AVEN: variants seen among roughly 807,000 people sequenced by gnomAD.
AVEN encodes apoptosis and caspase activation inhibitor, also known as cell death regulator Aven.
A neutral mutation model predicts 38.1 loss-of-function variants in AVEN; 41 were observed. The observed-to-expected ratio is 1.08, with a 90% confidence interval of 0.84 to 1.40. The LOEUF (loss-of-function observed/expected upper bound fraction) is 1.40. Among genes scored for constraint, AVEN ranks in the 40% most tolerant of loss-of-function variants. The pLI is 0.00. For synonymous variants in AVEN, 206 were observed against 171.8 expected (o/e 1.20, Z -1.56); for missense variants, 605 against 438.8 (o/e 1.38, Z -3.38).
chr15:33,934,561 T>C (rs1241298086), intron 2 of AVEN, among the ~76,000 whole-genome samples: 2 of 152,262 alleles, frequency 1.3e-5, no homozygotes, highest in East Asian at 1.9e-4. Flanking sequence ...TAAGGGCTAG[T>C]TTCCTCCACT....
downstream of AVEN, among the ~76,000 whole-genome samples, chr15:33,855,499 C>T (rs562654195): frequency 9.8e-5 from 15 of 152,306 alleles, no homozygotes; most frequent in Admixed American, 3.3e-4. Flanking sequence ...CCATCGTGCC[C>T]GGCCGGAGAT....
At chr15:33,999,641 C>T (rs142288778) in intron 2 of AVEN, among the ~76,000 whole-genome samples, 19 of 152,282 alleles carry the variant, frequency 1.2e-4, no homozygotes, top group East Asian at 1.9e-4. Context: ...CTTCTCTCTA[C>T]GTAGATCTAA....
intron 2 of AVEN, among the ~76,000 whole-genome samples, chr15:33,918,924 G>GTTTT (rs34781502): frequency 2.1e-5 from 3 of 139,938 alleles, no homozygotes; most frequent in East Asian, 2.1e-4. Context: ...CTGCTTTTCT[G>GTTTT]TTTTTTTTTT....
chr15:33,892,492 C>T (rs888796033), intron 2 of AVEN, among the ~76,000 whole-genome samples: 2 of 151,886 alleles, frequency 1.3e-5, no homozygotes, highest in African/African-American at 4.8e-5. Context: ...GAATCCTTTC[C>T]CCATTGCTTG....
intron 2 of AVEN, among the ~76,000 whole-genome samples, chr15:33,943,940 C>T (rs1894414062): frequency 6.6e-6 from 1 of 151,550 alleles, no homozygotes; most frequent in Admixed American, 6.6e-5. Context: ...TGCTATGTTG[C>T]CCTGTCTGGT....
chr15:33,979,542 T>C (rs1016553612), intron 2 of AVEN, among the ~76,000 whole-genome samples: 1 of 152,200 alleles, frequency 6.6e-6, no homozygotes, highest in Non-Finnish European at 1.5e-5. Context: ...AACACTCTTA[T>C]CTGAGCAATT....
chr15:34,064,675 C>T (rs1252239117), intron 4 of AVEN: 1 of 243,358 alleles, frequency 4.1e-6, no homozygotes, highest in Non-Finnish European at 8.6e-6. Flanking sequence ...AGGTGGAAAC[C>T]TTTTCCTGTG....
At chr15:33,955,676 G>A (rs1187862222) in intron 2 of AVEN, among the ~76,000 whole-genome samples, 1 of 152,142 alleles carries the variant, frequency 6.6e-6, no homozygotes, top group Non-Finnish European at 1.5e-5. Flanking sequence ...AAAAAGAAAA[G>A]CACCATTCTG....
chr15:33,950,388 GTTAAT>G (rs1228613966), intron 2 of AVEN, among the ~76,000 whole-genome samples: 1 of 152,190 alleles, frequency 6.6e-6, no homozygotes, highest in Non-Finnish European at 1.5e-5. Flanking sequence ...TGAAAGGTGT[GTTAAT>G]TTGATTGGTG....
intron 2 of AVEN, among the ~76,000 whole-genome samples, chr15:33,927,923 C>A (rs1388949314): frequency 2.0e-5 from 3 of 152,088 alleles, no homozygotes; most frequent in East Asian, 1.9e-4. Flanking sequence ...CTGGAATATT[C>A]CCACTGCCCA....
At chr15:33,986,302 G>A (rs145751019) in intron 2 of AVEN, among the ~76,000 whole-genome samples, 1 of 151,690 alleles carries the variant, frequency 6.6e-6, no homozygotes, top group Non-Finnish European at 1.5e-5. Flanking sequence ...GTAGAAACGG[G>A]GTTTCACCAT....
At chr15:33,932,083 T>C (rs1040083345) in intron 2 of AVEN, among the ~76,000 whole-genome samples, 3 of 152,166 alleles carry the variant, frequency 2.0e-5, no homozygotes, top group Non-Finnish European at 4.4e-5. Context: ...TTAGAGCATC[T>C]TATGAGGTGA....
At chr15:33,911,619 A>C (rs925296493) in intron 2 of AVEN, among the ~76,000 whole-genome samples, 9 of 152,238 alleles carry the variant, frequency 5.9e-5, no homozygotes, top group Non-Finnish European at 1.3e-4. Context: ...TTTAAATAAG[A>C]ATTTCTGAGC....
chr15:33,957,917 C>T (rs1216191511), intron 2 of AVEN, among the ~76,000 whole-genome samples: 1 of 152,104 alleles, frequency 6.6e-6, no homozygotes, highest in African/African-American at 2.4e-5. Flanking sequence ...GTCCCTGAAC[C>T]CAGTGGCACT....
chr15:34,000,592 A>C (rs1320335605), intron 2 of AVEN, among the ~76,000 whole-genome samples: 1 of 152,226 alleles, frequency 6.6e-6, no homozygotes, highest in Admixed American at 6.5e-5. Context: ...GTACACTAGA[A>C]AGCAGAATTG....
intron 2 of AVEN, among the ~76,000 whole-genome samples, chr15:33,966,529 T>G (rs1329189142): frequency 6.6e-6 from 1 of 152,130 alleles, no homozygotes; most frequent in East Asian, 1.9e-4. Context: ...CCATAAAAAA[T>G]GGGAGCACGG....
chr15:34,049,467 CTA>C (rs1466555792), intron 5 of AVEN, among the ~76,000 whole-genome samples: 6 of 151,970 alleles, frequency 3.9e-5, no homozygotes, highest in Non-Finnish European at 1.5e-5. Flanking sequence ...AGTTTGAAGA[CTA>C]TTTTTCTGAA....
At chr15:33,855,271 C>T (rs2079532271), downstream of AVEN, among the ~76,000 whole-genome samples, 2 of 151,854 alleles carry the variant, frequency 1.3e-5, no homozygotes, top group Non-Finnish European at 2.9e-5. Flanking sequence ...GATCTTGGCT[C>T]ACTGCAACCT....
rs1890658665 is a variant in AVEN, at chr15:33,867,445, TGAAAAAACACCAGAATCAA to T, written c.973+31_973+49del. 9 of 1,533,424 alleles carry T rather than the reference TGAAAAAACACCAGAATCAA, an allele frequency of 5.9e-6. No individual in the cohort carries two copies. In the East Asian group the frequency reaches 2.0e-4, roughly 35 times the overall value. The allele number at this position is 1,533,424 out of a possible 1,614,324, so 95.0% of individuals were successfully genotyped here. ...GATGTGATGCGGGCGGGGCTGTTCTTGAAAAAACACCAGAATCAAGATTCACGGGGAATAAAATGAAAGC... is the reference window on the plus strand; with the variant it reads ...GATGTGATGCGGGCGGGGCTGTTCTTGATTCACGGGGAATAAAATGAAAGC... On this transcript the variant is annotated intron_variant, in intron 5 of 5. Coordinates refer to ENST00000306730, the MANE Select transcript of AVEN (RefSeq NM_020371.3).
Sources: gnomAD v4.1 joint callset for allele counts (sites outside exome capture counted in the v4.1 genomes callset) on GRCh38, gnomAD v4.1.1 for gene constraint, MANE v1.5 for transcripts, NCBI Gene and HGNC (gene_info 2026-07-23, HGNC 2026-07-21) for gene names.